Variants in NUP155 observed in about 807,000 individuals in gnomAD.
The protein encoded by NUP155 is nuclear pore complex protein Nup155.
Under a neutral mutation model 180.4 loss-of-function variants are expected in NUP155, and 71 were observed. The ratio of observed to expected loss-of-function variants is 0.39; its 90% CI spans 0.33 to 0.48. NUP155 has a LOEUF of 0.48. NUP155 is among the 20% of genes least tolerant of loss of function. NUP155 has a pLI of 0.91. For synonymous variants in NUP155, 582 were observed against 559.5 expected (o/e 1.04, Z -0.57); for missense variants, 1,553 against 1,648.9 (o/e 0.94, Z 1.01).
intron 25 of NUP155, among the ~76,000 whole-genome samples, chr5:37,305,493 C>A (rs1458357842): frequency 2.0e-5 from 3 of 152,036 alleles, no homozygotes; most frequent in Non-Finnish European, 2.9e-5. Flanking sequence ...ACCAGCCTGG[C>A]CAACCTGGTG....
rs1161812120 is a variant in NUP155, at chr5:37,333,414, AT to A, written c.1518+48del. ...CTACTTCAGAGAACTTGACAAAAAT[AT>A]TATACATCGCTTATTTTTGTCACTA... is the stretch of plus-strand genomic sequence containing the variant. On this transcript the variant is annotated intron_variant, in intron 13 of 34. Transcript: ENST00000231498. 2.6e-6 allele frequency: 4 copies of A among 1,522,936 alleles called. No individual in the cohort carries two copies. In the African/African-American group the frequency reaches 5.5e-5, roughly 21 times the overall value. 94.3% of individuals were successfully genotyped at this position (1,522,936 alleles called of 1,614,324 possible).
intron 9 of NUP155, 69 bp from the exon 10 acceptor site, chr5:37,342,715 T>C: frequency 5.8e-6 from 6 of 1,029,602 alleles, no homozygotes. Context: ...ATATTTCCCA[T>C]CAGAATGTTT....
At chr5:37,342,774 T>A in intron 9 of NUP155, 128 bp from the exon 10 acceptor site, 1 of 670,152 alleles carries the variant, frequency 1.5e-6, no homozygotes, top group Non-Finnish European at 2.7e-6. Flanking sequence ...TCTCACTCTG[T>A]CACCCAGGCT....
chr5:37,349,074 T>A (rs1248862634), intron 8 of NUP155, 98 bp downstream of exon 8: 1 of 351,094 alleles, frequency 2.8e-6, no homozygotes, highest in Non-Finnish European at 5.3e-6. Context: ...TTTTTTTTAG[T>A]TACACAGTTC....
In NUP155 at chr5:37,291,676, A is replaced by G; in HGVS notation, c.*224T>C. 1 of 416,178 alleles carries G rather than the reference A, an allele frequency of 2.4e-6. No individual in the cohort carries two copies. Among genetic ancestry groups the G allele is most frequent in the East Asian group, 4.3e-5 (1 of 23,464 alleles). The allele number at this position is 416,178 out of a possible 1,614,324, so 25.8% of individuals were successfully genotyped here. A position where few individuals can be genotyped will look rare whatever the true frequency, so the allele number is the denominator to read the frequency against. On this transcript the variant is annotated 3_prime_UTR_variant, in exon 35 of 35. Transcript: ENST00000231498. ...TTTAATCCTTATGTTAAAATAATAA[A>G]TAATCTCATTTCAGTTGTTTTTTCA...
intron 30 of NUP155, among the ~76,000 whole-genome samples, chr5:37,300,726 G>A (rs1742815851): frequency 6.6e-6 from 1 of 151,994 alleles, no homozygotes; most frequent in Admixed American, 6.6e-5. Flanking sequence ...GCACCATCGA[G>A]GCTCACCACA....
intron 20 of NUP155, among the ~76,000 whole-genome samples, chr5:37,318,966 G>A (rs1467901817): frequency 6.6e-6 from 1 of 152,176 alleles, no homozygotes; most frequent in Non-Finnish European, 1.5e-5. Flanking sequence ...ACGAAGATCT[G>A]AGAAATGGTC....
Position 37,352,834 on chromosome 5 carries a change from G to C in NUP155, c.464-5C>G, listed in dbSNP as rs1746557166. On this transcript the variant is annotated splice_polypyrimidine_tract_variant and splice_region_variant and intron_variant, in intron 4 of 34. Transcript: ENST00000231498. ...GCACATGAGGTTGAAAGATGCCTAA[G>C]ATAAAGTAGACACAGGGCAGGAATA... is the stretch of plus-strand genomic sequence containing the variant. 4 of 1,603,530 alleles carry C rather than the reference G, an allele frequency of 2.5e-6. No individual in the cohort carries two copies. The Admixed American group carries it at 6.7e-5, about 27-fold the overall frequency.
intron 22 of NUP155, among the ~76,000 whole-genome samples, chr5:37,313,057 T>A (rs1049781357): frequency 6.6e-6 from 1 of 152,200 alleles, no homozygotes; most frequent in African/African-American, 2.4e-5. Flanking sequence ...ATTATCCTTA[T>A]CCTTAGAAAG....
At position 37,364,371 on chromosome 5, in the gene NUP155, A is replaced by C. The variant is rs1353548394; in HGVS notation, c.171T>G (p.Val57=). The change falls in exon 2 of 35, where the codon GTT becomes GTG. Residue 57 remains valine, a synonymous_variant. Transcript: ENST00000231498. The stretch of plus-strand genomic sequence containing the variant: ...GATAATCCATATCTGACATGCCAGA[A>C]ACGGTGGGATTATCTACAAAAAGAA... ...LMVSAPNNPT[V]SGMSDMDYPL... The C allele has an allele frequency of 6.2e-7, 1 of 1,612,360 alleles. No individual in the cohort carries two copies. Among genetic ancestry groups the C allele is most frequent in the Admixed American group, 1.7e-5 (1 of 59,992 alleles).
chr5:37,314,444 C>T (rs1743744634), intron 21 of NUP155, 116 bp from the exon 22 acceptor site: 1 of 730,920 alleles, frequency 1.4e-6, no homozygotes, highest in African/African-American at 1.8e-5. Context: ...GCCCCCATTA[C>T]AGGCAACCAT....
In NUP155 at chr5:37,299,457, T is replaced by C. The variant is rs1366645817; in HGVS notation, c.3673A>G (p.Ile1225Val). 1.2e-6 allele frequency: 2 copies of C among 1,613,792 alleles called. No homozygotes were observed. The highest frequency in any genetic ancestry group is 1.7e-6 in the Non-Finnish European group (2 of 1,179,804). ...ATAACTGAACACTTACCTTTCTCTA[T>C]GATATCTTGCCAAAGTGTCTGCACC... is the stretch of plus-strand genomic sequence containing the variant. ...ILVQTLWQDI[I>V]EKELSDSVTL... The change falls in exon 31 of 35, where the codon ATA (isoleucine) becomes GTA (valine). Residue 1225 changes from isoleucine (I) to valine (V), a missense_variant. Coordinates refer to ENST00000231498, the MANE Select transcript of NUP155 (RefSeq NM_153485.3).
chr5:37,299,618 G>T, intron 30 of NUP155, 50 bp from the exon 31 acceptor site: 1 of 1,574,506 alleles, frequency 6.4e-7, no homozygotes, highest in Non-Finnish European at 8.7e-7. Flanking sequence ...TCAACATTCA[G>T]AGATTAATAG....
At chr5:37,359,060 G>C (rs183522129) in intron 3 of NUP155, among the ~76,000 whole-genome samples, 97 of 151,608 alleles carry the variant, frequency 6.4e-4, no homozygotes, top group African/African-American at 2.3e-3. Flanking sequence ...TGTAATCTCA[G>C]CACTTTGGGA....
At chr5:37,356,063 C>G (rs1746806876) in intron 4 of NUP155, among the ~76,000 whole-genome samples, 1 of 151,116 alleles carries the variant, frequency 6.6e-6, no homozygotes, top group Non-Finnish European at 1.5e-5. Context: ...ATTCCCATCT[C>G]TACTAAAAAT....
In NUP155 at chr5:37,291,671, A is replaced by G. The variant is rs1470118068; in HGVS notation, c.*229T>C. 2 of 402,174 alleles carry G rather than the reference A, an allele frequency of 5.0e-6. No individual in the cohort carries two copies. Among genetic ancestry groups the G allele is most frequent in the Non-Finnish European group, 8.9e-6 (2 of 223,606 alleles). 24.9% of individuals were successfully genotyped at this position (402,174 alleles called of 1,614,324 possible). On this transcript the variant is annotated 3_prime_UTR_variant, in exon 35 of 35. Transcript: ENST00000231498. The stretch of plus-strand genomic sequence containing the variant: ...ATTTTTTTAATCCTTATGTTAAAAT[A>G]ATAAATAATCTCATTTCAGTTGTTT...
chr5:37,350,634 C>A (rs1237305208), intron 6 of NUP155, among the ~76,000 whole-genome samples: 3 of 151,848 alleles, frequency 2.0e-5, no homozygotes, highest in African/African-American at 4.8e-5. Context: ...TGAAACTCTG[C>A]CTCTAATAAA....
chr5:37,347,532 A>G (rs777024617), intron 9 of NUP155, among the ~76,000 whole-genome samples: 3 of 151,012 alleles, frequency 2.0e-5, no homozygotes, highest in Non-Finnish European at 4.4e-5. Flanking sequence ...CCCCATCTCT[A>G]CTAAAAATAC....
chr5:37,319,192 G>A (rs1328790284), intron 20 of NUP155, among the ~76,000 whole-genome samples: 1 of 152,158 alleles, frequency 6.6e-6, no homozygotes, highest in African/African-American at 2.4e-5. Context: ...GCTAAGAAGT[G>A]GGAATGGAAA....
Sources: allele counts gnomAD v4.1 joint callset (sites outside exome capture counted in the v4.1 genomes callset), GRCh38; gene constraint gnomAD v4.1.1; transcripts MANE v1.5; gene names NCBI Gene and HGNC (gene_info 2026-07-23, HGNC 2026-07-21).